Variants in SLC35F4 observed in about 807,000 individuals in gnomAD.
SLC35F4 encodes the protein solute carrier family 35 member F4.
In SLC35F4, 24 loss-of-function variants were observed where a neutral mutation model predicts 44.2. The observed-to-expected ratio is 0.54, with a 90% CI of 0.39 to 0.76. The LOEUF (loss-of-function observed/expected upper bound fraction) is 0.76, where lower values mean the gene tolerates loss of function less well. SLC35F4 is among the 30% of genes least tolerant of loss of function. The pLI is 0.00. For synonymous variants in SLC35F4, 238 were observed against 223.6 expected (o/e 1.06, Z -0.57); for missense variants, 562 against 586.1 (o/e 0.96, Z 0.42).
intron 3 of SLC35F4, among the ~76,000 whole-genome samples, chr14:57,586,942 TAAAC>T (rs2069785593): frequency 1.7e-5 from 1 of 57,170 alleles, no homozygotes; most frequent in Non-Finnish European, 3.6e-5. Context: ...ACAAAGAACT[TAAAC>T]AAATTTACAA....
At chr14:57,890,943 G>A (rs934370648) in intron 1 of SLC35F4, among the ~76,000 whole-genome samples, 1 of 152,228 alleles carries the variant, frequency 6.6e-6, no homozygotes, top group African/African-American at 2.4e-5. Context: ...ATAGTTTTAG[G>A]CTAGATGCAG....
chr14:57,827,954 T>C (rs1460800351), intron 1 of SLC35F4, among the ~76,000 whole-genome samples: 3 of 152,194 alleles, frequency 2.0e-5, no homozygotes, highest in Non-Finnish European at 4.4e-5. Context: ...ACATTTGTTT[T>C]GGTCATGAAG....
chr14:57,881,240 G>A (rs576332119), intron 1 of SLC35F4, among the ~76,000 whole-genome samples: 7 of 152,142 alleles, frequency 4.6e-5, no homozygotes, highest in African/African-American at 1.7e-4. Context: ...TTGTACTTAA[G>A]GTGCCTTTTG....
intron 1 of SLC35F4, among the ~76,000 whole-genome samples, chr14:57,835,990 T>C (rs1268363857): frequency 6.6e-6 from 1 of 152,186 alleles, no homozygotes; most frequent in Non-Finnish European, 1.5e-5. Flanking sequence ...ACCATCTGCA[T>C]CAAGATGCAG....
At chr14:57,734,171 A>G (rs1180062563) in intron 1 of SLC35F4, among the ~76,000 whole-genome samples, 1 of 152,104 alleles carries the variant, frequency 6.6e-6, no homozygotes, top group South Asian at 2.1e-4. Context: ...AACATTTCAC[A>G]TTATGGTACA....
intron 1 of SLC35F4, among the ~76,000 whole-genome samples, chr14:57,964,162 A>G (rs758666259): frequency 6.6e-5 from 10 of 152,206 alleles, no homozygotes; most frequent in Non-Finnish European, 1.3e-4. Context: ...TCTGATTTCA[A>G]GAGTCTCAGG....
chr14:57,564,499 G>A (rs2068108866), intron 7 of SLC35F4, 123 bp from the exon 8 acceptor site: 1 of 1,368,706 alleles, frequency 7.3e-7, no homozygotes, highest in East Asian at 2.5e-5. Context: ...CCAAGTTAGT[G>A]TTTCCTTTTT....
intron 1 of SLC35F4, among the ~76,000 whole-genome samples, chr14:57,672,633 G>A (rs1052802996): frequency 3.3e-5 from 5 of 151,918 alleles, no homozygotes; most frequent in East Asian, 1.9e-4. Flanking sequence ...TATATATATT[G>A]CATTCATTTG....
chr14:57,620,569 C>A (rs961854897), intron 1 of SLC35F4, among the ~76,000 whole-genome samples: 2 of 152,152 alleles, frequency 1.3e-5, no homozygotes, highest in Non-Finnish European at 1.5e-5. Context: ...ACAACCGGTA[C>A]CAGCCACTGG....
In SLC35F4 at chr14:57,564,264, G is replaced by A; in HGVS notation, c.1329C>T (p.Ile443=). The A allele has an allele frequency of 6.2e-7, 1 of 1,613,226 alleles. No individual in the cohort carries two copies. Among genetic ancestry groups the A allele is most frequent in the African/African-American group, 1.3e-5 (1 of 75,000 alleles). The change falls in exon 8 of 8, where the codon ATC becomes ATT. Residue 443 remains isoleucine (I), a synonymous_variant. Transcript: ENST00000556826. Reference sequence around the variant, plus strand: ...TCAGGCTGTTGATGAACCTCAGGGTGATTTCATCCCATTCCTCAGGCAACA... The same window carrying A: ...TCAGGCTGTTGATGAACCTCAGGGTAATTTCATCCCATTCCTCAGGCAACA... ...LMLLPEEWDE[I]TLRFINSLKE...
chr14:57,889,248 T>A (rs1028750221), intron 1 of SLC35F4, among the ~76,000 whole-genome samples: 5 of 152,242 alleles, frequency 3.3e-5, no homozygotes, highest in Non-Finnish European at 1.5e-5. Flanking sequence ...AACACTGCCA[T>A]GCGGTGCAGC....
In SLC35F4 at chr14:57,827,522, A is replaced by T. The variant is rs574767631; in HGVS notation, c.103+38201T>A. Among the ~76,000 whole-genome samples the T allele has an allele frequency of 3.4e-3, 511 of 152,200 alleles. 5 individuals are homozygous for T. Among genetic ancestry groups the T allele is most frequent in the African/African-American group, 0.011 (471 of 41,530 alleles). On this transcript the variant is annotated intron_variant, in intron 1 of 7. Coordinates refer to ENST00000556826, the MANE Select transcript of SLC35F4 (RefSeq NM_001306087.2). ...CTGGAACTTAAAATAATATTAAATT[A>T]TTTTTTTAAAAAAAGGACTAATTTT...
chr14:57,941,249 G>T (rs1047646458), intron 1 of SLC35F4, among the ~76,000 whole-genome samples: 5 of 152,136 alleles, frequency 3.3e-5, no homozygotes, highest in Non-Finnish European at 7.4e-5. Context: ...AATATTCACA[G>T]AAGTATTATT....
chr14:57,761,339 T>G (rs953717533), intron 1 of SLC35F4, among the ~76,000 whole-genome samples: 4 of 152,202 alleles, frequency 2.6e-5, no homozygotes, highest in Admixed American at 2.0e-4. Context: ...GGAAACTGTT[T>G]ACTTTCTAGA....
intron 3 of SLC35F4, among the ~76,000 whole-genome samples, chr14:57,585,743 G>T (rs1303373459): frequency 1.3e-5 from 2 of 151,998 alleles, no homozygotes; most frequent in African/African-American, 4.8e-5. Context: ...GCTACAAAGA[G>T]AATAAAATAC....
intron 1 of SLC35F4, among the ~76,000 whole-genome samples, chr14:57,735,127 AT>A (rs1216238955): frequency 6.6e-6 from 1 of 152,026 alleles, no homozygotes; most frequent in Non-Finnish European, 1.5e-5. Flanking sequence ...GTCTCTCTGG[AT>A]TTTCCCACTT....
At chr14:57,793,631 G>A (rs752164273) in intron 1 of SLC35F4, among the ~76,000 whole-genome samples, 10 of 151,798 alleles carry the variant, frequency 6.6e-5, no homozygotes, top group Non-Finnish European at 7.4e-5. Flanking sequence ...TTCTTTATCC[G>A]TTCATATTGT....
intron 1 of SLC35F4, among the ~76,000 whole-genome samples, chr14:57,768,734 A>G (rs564346682): frequency 6.6e-6 from 1 of 151,882 alleles, no homozygotes; most frequent in Non-Finnish European, 1.5e-5. Flanking sequence ...TAAAAGAGTC[A>G]ACCTTGGGTT....
At chr14:57,901,549 C>A (rs1445565417) in intron 1 of SLC35F4, among the ~76,000 whole-genome samples, 1 of 151,906 alleles carries the variant, frequency 6.6e-6, no homozygotes, top group Non-Finnish European at 1.5e-5. Flanking sequence ...GAAGGGAGAG[C>A]ATCAGGAAGA....
Sources: gnomAD v4.1 joint callset for allele counts (sites outside exome capture counted in the v4.1 genomes callset) on GRCh38, gnomAD v4.1.1 for gene constraint, MANE v1.5 for transcripts, NCBI Gene and HGNC (gene_info 2026-07-23, HGNC 2026-07-21) for gene names.